Variants in CCP110 observed in about 807,000 individuals in gnomAD.
The protein encoded by CCP110 is centriolar coiled-coil protein of 110 kDa.
CCP110 carries 43 observed loss-of-function variants against 105.5 expected under a neutral mutation model. That is an observed-to-expected ratio of 0.41 (90% CI 0.32 to 0.53). The LOEUF (loss-of-function observed/expected upper bound fraction) is 0.53, where lower values mean the gene tolerates loss of function less well. Ranked by LOEUF, CCP110 falls within the 20% of genes least tolerant of loss-of-function variation. The pLI, the probability that CCP110 is intolerant of heterozygous loss-of-function variation, is 0.32. For missense variants in CCP110, 1,016 were observed against 1,189.1 expected (o/e 0.85, Z 2.14); for synonymous variants, 353 against 392.1 (o/e 0.90, Z 1.18).
chr16:19,531,768 C>G (rs1969876427), intron 2 of CCP110, among the ~76,000 whole-genome samples: 1 of 152,056 alleles, frequency 6.6e-6, no homozygotes, highest in African/African-American at 2.4e-5. Context: ...GAGTTCGAGA[C>G]CAGCCTGACC....
At chr16:19,525,074 A>C (rs539560206) in intron 1 of CCP110, 2 of 152,326 alleles carry the variant, frequency 1.3e-5, no homozygotes, top group South Asian at 4.1e-4. Context: ...GCATCTGAAT[A>C]AGAAATCTTC....
chr16:19,524,297 C>A (rs951741132), intron 1 of CCP110, among the ~76,000 whole-genome samples: 49 of 152,078 alleles, frequency 3.2e-4, no homozygotes, highest in African/African-American at 1.1e-3. Context: ...ATGCTGGCCC[C>A]GCCTGGAGGG....
intron 4 of CCP110, among the ~76,000 whole-genome samples, chr16:19,539,640 C>T (rs1343413154): frequency 6.6e-6 from 1 of 151,800 alleles, no homozygotes. Context: ...AGGTTTGAGC[C>T]ACCAGCCCTG....
In CCP110 at chr16:19,551,218, A is replaced by G. The variant is rs745334738; in HGVS notation, c.3009A>G (p.Gln1003=). The change falls in exon 15 of 15, where the codon CAA becomes CAG. Residue 1003 remains glutamine (Q), a synonymous_variant. Transcript: ENST00000381396. ...TAGGAGTATATGCAGGAAAAATCCA[A>G]AGAAAGCGGCCAAATGTTGCGACAA... is the stretch of plus-strand genomic sequence containing the variant. 1.2e-6 allele frequency: 2 copies of G among 1,612,650 alleles called. No individual in the cohort carries two copies. Among genetic ancestry groups the G allele is most frequent in the African/African-American group, 2.7e-5 (2 of 74,922 alleles).
At chr16:19,528,630 C>T (rs1969757030) in intron 2 of CCP110, among the ~76,000 whole-genome samples, 1 of 152,090 alleles carries the variant, frequency 6.6e-6, no homozygotes, top group Admixed American at 6.5e-5. Flanking sequence ...CACAGTGGCT[C>T]ACACCTATAG....
exon 4 of CCP110, chr16:19,536,428 C>T: frequency 1.2e-6 from 2 of 1,613,660 alleles, no homozygotes; most frequent in Non-Finnish European, 1.7e-6. Flanking sequence ...GTAGTATCAA[C>T]AGAATTGTTA....
At chr16:19,534,872 C>CT (rs35522152) in intron 3 of CCP110, among the ~76,000 whole-genome samples, 2,732 of 100,504 alleles carry the variant, frequency 0.027, 215 homozygotes, top group African/African-American at 0.095. Flanking sequence ...AATATTCAGA[C>CT]TTTTTTTTTT....
At chr16:19,536,591 C>G in exon 4 of CCP110, 1 of 1,614,136 alleles carries the variant, frequency 6.2e-7, no homozygotes, top group South Asian at 1.1e-5. Flanking sequence ...TGCTTCCACT[C>G]AAGCAAGCAG....
exon 15 of CCP110, chr16:19,552,817 A>C (rs900845981): frequency 1.3e-5 from 2 of 152,212 alleles, no homozygotes; most frequent in African/African-American, 4.8e-5. Flanking sequence ...ATCCAGCTAT[A>C]GACAGAAATA....
At chr16:19,544,374 G>A (rs534283561) in intron 8 of CCP110, among the ~76,000 whole-genome samples, 17 of 152,150 alleles carry the variant, frequency 1.1e-4, no homozygotes, top group South Asian at 6.2e-4. Flanking sequence ...TAGTACAGTC[G>A]GTCCTCTATC....
exon 4 of CCP110, chr16:19,536,264 C>G (rs1197851197): frequency 1.2e-6 from 2 of 1,613,772 alleles, no homozygotes; most frequent in Admixed American, 1.7e-5. Context: ...ACAAGAAACT[C>G]TTATTTCTGA....
intron 8 of CCP110, among the ~76,000 whole-genome samples, chr16:19,544,478 A>T (rs536817036): frequency 1.3e-5 from 2 of 152,194 alleles, no homozygotes; most frequent in South Asian, 2.1e-4. Context: ...ACATGTACAA[A>T]TTTTTTTTCC....
intron 1 of CCP110, chr16:19,526,521 A>G (rs910960407): frequency 2.0e-5 from 3 of 152,218 alleles, no homozygotes; most frequent in Admixed American, 2.0e-4. Flanking sequence ...CACACTGTAG[A>G]GAACCATTTG....
intron 1 of CCP110, among the ~76,000 whole-genome samples, chr16:19,527,320 G>T (rs1010226671): frequency 1.3e-5 from 2 of 150,358 alleles, no homozygotes; most frequent in East Asian, 3.9e-4. Flanking sequence ...CCTGTGAATA[G>T]TCACTGGAAT....
intron 4 of CCP110, 88 bp from the exon 5 acceptor site, chr16:19,540,564 CTCTTG>C: frequency 9.4e-7 from 1 of 1,068,090 alleles, no homozygotes; most frequent in Non-Finnish European, 1.4e-6. Flanking sequence ...CAGGAATACT[CTCTTG>C]TCAGAAGGAT....
At chr16:19,531,841 C>T (rs1250081772) in intron 2 of CCP110, among the ~76,000 whole-genome samples, 1 of 152,074 alleles carries the variant, frequency 6.6e-6, no homozygotes, top group Non-Finnish European at 1.5e-5. Context: ...TGGCACGCGC[C>T]TGTAAGCCCA....
intron 8 of CCP110, among the ~76,000 whole-genome samples, chr16:19,544,465 T>C (rs1213600826): frequency 1.3e-5 from 2 of 152,236 alleles, no homozygotes; most frequent in African/African-American, 4.8e-5. Context: ...GTGTCTGTAC[T>C]GAACATGTAC....
intron 1 of CCP110, chr16:19,527,008 C>T (rs1398726571): frequency 2.0e-5 from 3 of 152,120 alleles, no homozygotes; most frequent in Non-Finnish European, 2.9e-5. Flanking sequence ...AAGCAATCAA[C>T]ATTTACTGTT....
At chr16:19,535,195 G>A (rs1018405792) in intron 3 of CCP110, among the ~76,000 whole-genome samples, 1 of 152,126 alleles carries the variant, frequency 6.6e-6, no homozygotes, top group African/African-American at 2.4e-5. Flanking sequence ...TCAGGCTTTT[G>A]ATGTCTGTAT....
Sources: gnomAD v4.1 joint callset for allele counts (sites outside exome capture counted in the v4.1 genomes callset) on GRCh38, gnomAD v4.1.1 for gene constraint, MANE v1.5 for transcripts, NCBI Gene and HGNC (gene_info 2026-07-23, HGNC 2026-07-21) for gene names.